KAT7: variants seen among roughly 807,000 people sequenced by gnomAD.
KAT7 encodes lysine acetyltransferase 7.
A neutral mutation model predicts 82.1 loss-of-function variants in KAT7; 10 were observed. The observed-to-expected ratio is 0.12, with a 90% CI of 0.08 to 0.21. The LOEUF is 0.21. Among genes scored for constraint, KAT7 ranks in the 10% least tolerant of loss-of-function variants. The pLI, the probability that KAT7 is intolerant of heterozygous loss-of-function variation, is 1.00. For synonymous variants in KAT7, 250 were observed against 262.5 expected (o/e 0.95, Z 0.46); for missense variants, 378 against 760.9 (o/e 0.50, Z 5.92).
Position 49,832,954 on chromosome 17 carries a change from G to T in KAT7, c.*5452G>T, listed in dbSNP as rs1476021851. 3.3e-5 allele frequency: 5 copies of T among 152,176 alleles called. No homozygotes were observed. The East Asian group carries it at 9.6e-4, about 29-fold the overall frequency. 9.4% of individuals were successfully genotyped at this position (152,176 alleles called of 1,614,324 possible). A position where few individuals can be genotyped will look rare whatever the true frequency, so the allele number is the denominator to read the frequency against. On this transcript the variant is annotated 3_prime_UTR_variant, in exon 15 of 15. Coordinates refer to ENST00000259021, the MANE Select transcript of KAT7 (RefSeq NM_007067.5). Reference sequence around the variant, plus strand: ...AAATTATGTGTGACTGCCTCCTCCAGACTGTTTCCTGCTGATAGGGGCAGT... The same window carrying T: ...AAATTATGTGTGACTGCCTCCTCCATACTGTTTCCTGCTGATAGGGGCAGT...
chr17:49,811,517 T>C lies in KAT7; in HGVS notation c.795T>C (p.Ala265=). The C allele has an allele frequency of 6.4e-7, 1 of 1,557,012 alleles. No homozygotes were observed. Among genetic ancestry groups the C allele is most frequent in the East Asian group, 2.3e-5 (1 of 42,798 alleles). Residue 265 remains alanine, a synonymous_variant, in exon 7 of 15, where the codon GCT becomes GCC. Coordinates refer to ENST00000259021, the MANE Select transcript of KAT7 (RefSeq NM_007067.5). ...AGCTTCGATATAAGGAAAAAGTGGC[T>C]GAACTCAGGAAGAAAAGAAATTCTG... The part of the protein sequence containing the change: ...ERQLRYKEKV[A]ELRKKRNSGL...
intron 14 of KAT7, 117 bp from the exon 15 acceptor site, chr17:49,827,284 C>A: frequency 1.5e-6 from 1 of 653,602 alleles, no homozygotes; most frequent in South Asian, 1.8e-5. Flanking sequence ...TTTTTTGATA[C>A]CCTAATATGT....
Position 49,832,961 on chromosome 17 carries a change from T to C in KAT7, c.*5459T>C, listed in dbSNP as rs1168171962. ...GTGTGACTGCCTCCTCCAGACTGTT[T>C]CCTGCTGATAGGGGCAGTTTAATAG... On this transcript the variant is annotated 3_prime_UTR_variant, in exon 15 of 15. Coordinates refer to ENST00000259021, the MANE Select transcript of KAT7 (RefSeq NM_007067.5). 2.0e-5 allele frequency: 3 copies of C among 152,218 alleles called. No individual in the cohort carries two copies. Among genetic ancestry groups the C allele is most frequent in the Non-Finnish European group, 4.4e-5 (3 of 68,042 alleles). The allele number at this position is 152,218 out of a possible 1,614,324, so 9.4% of individuals were successfully genotyped here.
At chr17:49,821,877 G>A in intron 11 of KAT7, 87 bp downstream of exon 11, 1 of 1,205,766 alleles carries the variant, frequency 8.3e-7, no homozygotes, top group Admixed American at 1.8e-5. Flanking sequence ...CTGACAGGAA[G>A]AAGCTGTACT....
intron 14 of KAT7, 138 bp downstream of exon 14, chr17:49,826,937 TAGCTGGC>T (rs1335298416): frequency 1.7e-6 from 1 of 586,454 alleles, no homozygotes; most frequent in Non-Finnish European, 3.1e-6. Context: ...CTCATTTCTG[TAGCTGGC>T]AGTGATGCCT....
chr17:49,822,637 A>G (rs1030585205), intron 11 of KAT7, among the ~76,000 whole-genome samples: 3 of 152,194 alleles, frequency 2.0e-5, no homozygotes, highest in Non-Finnish European at 4.4e-5. Context: ...TTTATAGTGT[A>G]TTCACAGAGT....
chr17:49,809,500 C>T (rs116767629), intron 6 of KAT7, among the ~76,000 whole-genome samples: 131 of 152,276 alleles, frequency 8.6e-4, no homozygotes, highest in African/African-American at 3.1e-3. Flanking sequence ...TTCCTCACTT[C>T]GCATCCTTTA....
chr17:49,800,729 T>A (rs1456785873), intron 4 of KAT7, among the ~76,000 whole-genome samples: 5 of 152,128 alleles, frequency 3.3e-5, no homozygotes, highest in Non-Finnish European at 2.9e-5. Flanking sequence ...TCATGGAGCT[T>A]ATAGTCTAGC....
Position 49,828,168 on chromosome 17 carries a change from G to A in KAT7, c.*666G>A, listed in dbSNP as rs1017430010. ...AATGAGATGGAGAGAAGAATGAAGG[G>A]GTGGTGGTTCTGGGTTTGATTTGAG... On this transcript the variant is annotated 3_prime_UTR_variant, in exon 15 of 15. Transcript: ENST00000259021. The A allele has an allele frequency of 2.0e-5, 3 of 152,254 alleles. No homozygotes were observed. Among genetic ancestry groups the A allele is most frequent in the African/African-American group, 7.2e-5 (3 of 41,420 alleles). 9.4% of individuals were successfully genotyped at this position (152,254 alleles called of 1,614,324 possible).
In KAT7 at chr17:49,830,207, T is replaced by G. The variant is rs59651145; in HGVS notation, c.*2705T>G. ...TTTTTTTTTTTTTTTTTTTTTTTTT[T>G]TAAAAAAAGACAGTCTCACTCTATC... On this transcript the variant is annotated 3_prime_UTR_variant, in exon 15 of 15. Transcript: ENST00000259021. 4.6e-5 allele frequency: 6 copies of G among 129,238 alleles called. No homozygotes were observed. The highest frequency in any genetic ancestry group is 2.1e-4 in the African/African-American group (6 of 27,928). The allele number at this position is 129,238 out of a possible 1,614,324, so 8.0% of individuals were successfully genotyped here.
intron 5 of KAT7, among the ~76,000 whole-genome samples, chr17:49,805,855 TC>T (rs1437089574): frequency 1.3e-5 from 2 of 152,248 alleles, no homozygotes; most frequent in Non-Finnish European, 2.9e-5. Context: ...TAAAAACCTT[TC>T]ATAATTCTTG....
chr17:49,821,206 G>GT (rs2074299319), intron 9 of KAT7, 131 bp from the exon 10 acceptor site: 1 of 620,748 alleles, frequency 1.6e-6, no homozygotes, highest in African/African-American at 1.9e-5. Flanking sequence ...CTGTTTTGCT[G>GT]TATGTTCTCA....
At chr17:49,812,284 G>A (rs2074176351) in intron 7 of KAT7, among the ~76,000 whole-genome samples, 1 of 148,284 alleles carries the variant, frequency 6.7e-6, no homozygotes, top group Non-Finnish European at 1.5e-5. Context: ...GAGTGCAGTG[G>A]CACAATCTCG....
rs1482284508 is a variant in KAT7, at chr17:49,798,488, C to T, written c.510C>T (p.Pro170=). 8 of 1,614,016 alleles carry T rather than the reference C, an allele frequency of 5.0e-6. No homozygotes were observed. In the East Asian group the frequency reaches 1.6e-4, roughly 31 times the overall value. The change falls in exon 4 of 15, where the codon CCC becomes CCT. Residue 170 remains proline, a synonymous_variant. Transcript: ENST00000259021. ...KDSGSDLSHR[P]KRRRFHESYN... Reference sequence around the variant, plus strand: ...CAGGCAGTGATCTCTCTCATCGCCCCAAGCGCCGTCGCTTCCATGAAAGCT... The same window carrying T: ...CAGGCAGTGATCTCTCTCATCGCCCTAAGCGCCGTCGCTTCCATGAAAGCT...
chr17:49,810,551 C>T (rs1202259046), intron 6 of KAT7, among the ~76,000 whole-genome samples: 4 of 152,126 alleles, frequency 2.6e-5, no homozygotes, highest in Non-Finnish European at 5.9e-5. Flanking sequence ...GCCACGGTGC[C>T]CAACCTTGGG....
chr17:49,834,689 A>G lies in KAT7; in HGVS notation c.*7187A>G, dbSNP rs1012471222. On this transcript the variant is annotated 3_prime_UTR_variant, in exon 15 of 15. Transcript: ENST00000259021. ...TTCAACGTTCCATGAAGTGTGTTCC[A>G]TTAAATACCAAAGTATAGGCAAAAA... The G allele has an allele frequency of 1.3e-5, 2 of 152,236 alleles. No homozygotes were observed. Among genetic ancestry groups the G allele is most frequent in the Non-Finnish European group, 2.9e-5 (2 of 68,044 alleles). 9.4% of individuals were successfully genotyped at this position (152,236 alleles called of 1,614,324 possible).
At chr17:49,796,270 A>G (rs1272605153) in intron 2 of KAT7, among the ~76,000 whole-genome samples, 1 of 152,254 alleles carries the variant, frequency 6.6e-6, no homozygotes, top group Non-Finnish European at 1.5e-5. Context: ...TGGTAATAGA[A>G]TATCTGTTTT....
intron 5 of KAT7, among the ~76,000 whole-genome samples, chr17:49,807,835 A>C (rs1416616312): frequency 6.6e-6 from 1 of 152,166 alleles, no homozygotes; most frequent in Non-Finnish European, 1.5e-5. Flanking sequence ...GTGTGAGAAA[A>C]GAGAAGAATC....
chr17:49,825,079 A>C (rs760647812), intron 12 of KAT7, among the ~76,000 whole-genome samples: 12 of 152,180 alleles, frequency 7.9e-5, no homozygotes, highest in Non-Finnish European at 1.6e-4. Flanking sequence ...CTTTTAGTCT[A>C]AAACTTTCCA....
Sources: allele counts gnomAD v4.1 joint callset (sites outside exome capture counted in the v4.1 genomes callset), GRCh38; gene constraint gnomAD v4.1.1; transcripts MANE v1.5; gene names NCBI Gene and HGNC (gene_info 2026-07-23, HGNC 2026-07-21).